HPSE2: variants seen among roughly 807,000 people sequenced by gnomAD.
The protein encoded by HPSE2 is heparanase 2 (inactive), also known as inactive heparanase-2.
HPSE2 carries 38 observed loss-of-function variants against 60.5 expected under a neutral mutation model. The ratio of observed to expected loss-of-function variants is 0.63; its 90% CI spans 0.48 to 0.82. The LOEUF (loss-of-function observed/expected upper bound fraction) is 0.82, where lower values mean the gene tolerates loss of function less well. Ranked by LOEUF, HPSE2 falls within the 40% of genes least tolerant of loss-of-function variation. The probability of loss-of-function intolerance (pLI) is 0.00; values close to 1 mark genes in which losing one functional copy is unlikely to be tolerated. For synonymous variants in HPSE2, 295 were observed against 293.2 expected, an observed-to-expected ratio of 1.01 and a Z score of -0.06; for missense variants, 713 against 740.4, an observed-to-expected ratio of 0.96 and a Z score of 0.43.
intron 5 of HPSE2, among the ~76,000 whole-genome samples, chr10:98,713,563 G>A (rs923912351): frequency 1.3e-5 from 2 of 151,850 alleles, no homozygotes; most frequent in African/African-American, 4.8e-5. Flanking sequence ...CTGAAAGTAA[G>A]ATGCTGTGGT....
intron 3 of HPSE2, among the ~76,000 whole-genome samples, chr10:99,053,162 TTATAA>T (rs1222132246): frequency 6.6e-6 from 1 of 151,950 alleles, no homozygotes; most frequent in Non-Finnish European, 1.5e-5. Flanking sequence ...AATGAAAAAA[TTATAA>T]TATTATATTG....
chr10:98,854,696 CAT>C (rs1952265473), intron 3 of HPSE2, among the ~76,000 whole-genome samples: 1 of 151,880 alleles, frequency 6.6e-6, no homozygotes, highest in Non-Finnish European at 1.5e-5. Context: ...ATGTAAGTAA[CAT>C]ATTGAGAAAC....
intron 3 of HPSE2, among the ~76,000 whole-genome samples, chr10:99,026,240 C>T (rs569145064): frequency 6.6e-6 from 1 of 151,944 alleles, no homozygotes; most frequent in Admixed American, 6.6e-5. Context: ...ACACACCTCA[C>T]CTATGAACAC....
At chr10:99,065,888 A>C (rs1842598532) in intron 3 of HPSE2, among the ~76,000 whole-genome samples, 1 of 151,516 alleles carries the variant, frequency 6.6e-6, no homozygotes, top group Non-Finnish European at 1.5e-5. Context: ...TTCTTTCATC[A>C]TTTGGAATAC....
At chr10:98,623,312 TGAA>T (rs974659851) in intron 7 of HPSE2, among the ~76,000 whole-genome samples, 6 of 152,150 alleles carry the variant, frequency 3.9e-5, no homozygotes, top group South Asian at 2.1e-4. Flanking sequence ...TTCCTAGGGT[TGAA>T]GAAGAAGAGG....
intron 3 of HPSE2, among the ~76,000 whole-genome samples, chr10:98,878,908 G>A (rs957304235): frequency 7.2e-5 from 11 of 152,022 alleles, no homozygotes; most frequent in Middle Eastern, 3.4e-3. Context: ...GAGTGAGAGA[G>A]ACTGGAGGAT....
rs554202535 is a variant in HPSE2, at chr10:99,079,023, A to G, written c.610+65215T>C. ...GTTGGATCTTTGGATGTTCTATCCA[A>G]CTCGTTTCCTCCCCAAGAAAAATCT... On this transcript the variant is annotated intron_variant, in intron 3 of 11. Coordinates refer to ENST00000370552, the MANE Select transcript of HPSE2 (RefSeq NM_021828.5). 6.9e-4 allele frequency among the ~76,000 whole-genome samples: 105 copies of G among 151,328 alleles called. 1 individual carries two copies. Among genetic ancestry groups the G allele is most frequent in the African/African-American group, 2.4e-3 (98 of 41,158 alleles).
the HPSE2 span, among the ~76,000 whole-genome samples, chr10:99,283,333 G>GA: frequency 6.6e-6 from 1 of 150,794 alleles, no homozygotes; most frequent in Non-Finnish European, 1.5e-5. Context: ...ATAAAATAGA[G>GA]AAAAAAATAA....
At chr10:99,246,553 C>T in the HPSE2 span, among the ~76,000 whole-genome samples, 1 of 152,146 alleles carries the variant, frequency 6.6e-6, no homozygotes, top group African/African-American at 2.4e-5. Context: ...TCGAGACCAT[C>T]CTGGCCAACA....
intron 8 of HPSE2, among the ~76,000 whole-genome samples, chr10:98,619,049 T>C (rs1021141705): frequency 6.6e-6 from 1 of 152,210 alleles, no homozygotes; most frequent in Non-Finnish European, 1.5e-5. Flanking sequence ...TGAATCATTT[T>C]CTTCATCTGC....
At position 98,618,737 on chromosome 10, in the gene HPSE2, C is replaced by T. The variant is rs537959045; in HGVS notation, c.1205+1865G>A. 8.5e-5 allele frequency among the ~76,000 whole-genome samples: 13 copies of T among 152,190 alleles called. No individual in the cohort carries two copies. In the East Asian group the frequency reaches 1.9e-3, roughly 23 times the overall value. On this transcript the variant is annotated intron_variant, in intron 8 of 11. Transcript: ENST00000370552. Reference sequence around the variant, plus strand: ...GACTACAGGCGCATGCCACCATGCCCGGCTAAGTTTTGTATGTTTAGTAAA... The same window carrying T: ...GACTACAGGCGCATGCCACCATGCCTGGCTAAGTTTTGTATGTTTAGTAAA...
chr10:98,630,364 A>C (rs1392775500), intron 7 of HPSE2, among the ~76,000 whole-genome samples: 1 of 151,386 alleles, frequency 6.6e-6, no homozygotes, highest in East Asian at 2.0e-4. Flanking sequence ...CGCCCAACTA[A>C]TTTTTTGTAT....
At chr10:99,292,287 A>G in the HPSE2 span, among the ~76,000 whole-genome samples, 1 of 152,198 alleles carries the variant, frequency 6.6e-6, no homozygotes, top group Admixed American at 6.5e-5. Flanking sequence ...ACCAGAAAGC[A>G]TTCTTATTTA....
chr10:98,942,747 C>T (rs1415643742), intron 3 of HPSE2, among the ~76,000 whole-genome samples: 5 of 151,998 alleles, frequency 3.3e-5, no homozygotes, highest in South Asian at 2.1e-4. Context: ...ACCCAAAGGA[C>T]TATAAATCAT....
chr10:99,130,982 T>C (rs911709136), intron 3 of HPSE2, among the ~76,000 whole-genome samples: 1 of 152,008 alleles, frequency 6.6e-6, no homozygotes, highest in Admixed American at 6.6e-5. Context: ...GGCTAGGTGA[T>C]TAAAGGAAAA....
the HPSE2 span, among the ~76,000 whole-genome samples, chr10:99,261,207 G>A: frequency 6.6e-6 from 1 of 151,952 alleles, no homozygotes; most frequent in East Asian, 1.9e-4. Context: ...TCTGAGTTCT[G>A]TGAATCCTCC....
At chr10:99,047,024 G>A (rs1589571180) in intron 3 of HPSE2, among the ~76,000 whole-genome samples, 1 of 152,140 alleles carries the variant, frequency 6.6e-6, no homozygotes, top group African/African-American at 2.4e-5. Flanking sequence ...GCAATCCTAA[G>A]CACAAAGAAC....
chr10:99,029,272 A>G (rs909985477), intron 3 of HPSE2, among the ~76,000 whole-genome samples: 2 of 152,232 alleles, frequency 1.3e-5, no homozygotes, highest in African/African-American at 4.8e-5. Context: ...AGGAGCTCAA[A>G]CAACTCTATA....
At chr10:98,493,516 C>T (rs1941727791) in intron 9 of HPSE2, among the ~76,000 whole-genome samples, 1 of 152,118 alleles carries the variant, frequency 6.6e-6, no homozygotes, top group African/African-American at 2.4e-5. Flanking sequence ...ATTATTGCTG[C>T]ACTGAAACTT....
Sources: gnomAD v4.1 joint callset for allele counts (sites outside exome capture counted in the v4.1 genomes callset) on GRCh38, gnomAD v4.1.1 for gene constraint, MANE v1.5 for transcripts, NCBI Gene and HGNC (gene_info 2026-07-23, HGNC 2026-07-21) for gene names.